SLC24A2: variants seen among roughly 807,000 people sequenced by gnomAD.
The protein encoded by SLC24A2 is sodium/potassium/calcium exchanger 2.
SLC24A2 carries 36 observed loss-of-function variants against 62.0 expected under a neutral mutation model. That is an observed-to-expected ratio of 0.58 (90% CI 0.44 to 0.77). The LOEUF is 0.77. Ranked by LOEUF, SLC24A2 falls within the 30% of genes least tolerant of loss-of-function variation. The probability of loss-of-function intolerance (pLI) is 0.00; values close to 1 mark genes in which losing one functional copy is unlikely to be tolerated. For synonymous variants in SLC24A2, 358 were observed against 294.0 expected (o/e 1.22, Z -2.23); for missense variants, 846 against 817.9 (o/e 1.03, Z -0.42).
the SLC24A2 span, among the ~76,000 whole-genome samples, chr9:19,933,893 T>C: frequency 1.3e-4 from 20 of 152,290 alleles, 1 homozygote; most frequent in South Asian, 3.9e-3. Flanking sequence ...TATGATTCCA[T>C]TTATGTGAGA....
chr9:19,873,536 C>CTCTTTCTTTCTTTCTTTCTTTCTT, the SLC24A2 span, among the ~76,000 whole-genome samples: 167 of 137,122 alleles, frequency 1.2e-3, 1 homozygote, highest in African/African-American at 4.6e-3. Flanking sequence ...TCCTTTCTTT[C>CTCTTTCTTTCTTTCTTTCTTTCTT]TCTTTCTTTC....
chr9:20,164,135 A>T, the SLC24A2 span, among the ~76,000 whole-genome samples: 6 of 152,198 alleles, frequency 3.9e-5, no homozygotes, highest in African/African-American at 1.4e-4. Context: ...GACAAATGGG[A>T]TCTCATTAAA....
the SLC24A2 span, among the ~76,000 whole-genome samples, chr9:20,018,242 C>T: frequency 3.3e-5 from 5 of 152,328 alleles, no homozygotes; most frequent in East Asian, 9.6e-4. Context: ...CCACTGCGCC[C>T]GGCCTACTTT....
chr9:19,916,981 G>GTTTTTTTTTTTTTTTTTTTTTT, the SLC24A2 span, among the ~76,000 whole-genome samples: 5 of 72,014 alleles, frequency 6.9e-5, no homozygotes, highest in Non-Finnish European at 1.0e-4. Context: ...TAACTTACCT[G>GTTTTTTTTTTTTTTTTTTTTTT]TTTTTTTTTT....
intron 4 of SLC24A2, among the ~76,000 whole-genome samples, chr9:19,607,541 G>A (rs964169718): frequency 6.6e-6 from 1 of 151,904 alleles, no homozygotes; most frequent in Non-Finnish European, 1.5e-5. Flanking sequence ...CCAACATGGC[G>A]AAACCCGTCT....
chr9:19,619,643 C>G lies in SLC24A2; in HGVS notation c.1019G>C (p.Ser340Thr). 1 of 1,614,006 alleles carries G rather than the reference C, an allele frequency of 6.2e-7. No individual in the cohort carries two copies. The highest frequency in any genetic ancestry group is 1.3e-5 in the African/African-American group (1 of 74,998). Reference protein sequence around the residue: ...RGGSSASLHNSLMRNSIFQLM... With the variant: ...RGGSSASLHNTLMRNSIFQLM... ...TTGGAAGATGCTATTCCTCATGAGA[C>G]TGTTGTGGAGGGAGGCAGAGCTTCC... is the stretch of plus-strand genomic sequence containing the variant. Residue 340 changes from serine to threonine, a missense_variant, in exon 4 of 11, where the codon AGT (serine) becomes ACT (threonine). Ser to Thr is a moderately conservative substitution (Grantham distance 58). Coordinates refer to ENST00000341998, the MANE Select transcript of SLC24A2 (RefSeq NM_020344.4).
chr9:20,070,399 T>C, the SLC24A2 span, among the ~76,000 whole-genome samples: 1 of 152,224 alleles, frequency 6.6e-6, no homozygotes, highest in Admixed American at 6.5e-5. Context: ...TTATTACTCT[T>C]ATCATTGTAA....
upstream of SLC24A2, among the ~76,000 whole-genome samples, chr9:19,792,084 G>C (rs1182812314): frequency 1.3e-5 from 2 of 151,996 alleles, no homozygotes; most frequent in Non-Finnish European, 2.9e-5. Flanking sequence ...CTGCCAAAGG[G>C]GTGCTAGTTA....
the SLC24A2 span, among the ~76,000 whole-genome samples, chr9:20,097,720 A>C: frequency 1.7e-4 from 12 of 69,050 alleles, no homozygotes; most frequent in African/African-American, 5.3e-4. Context: ...ATCTTAAATA[A>C]TTTTTTTTTT....
the SLC24A2 span, among the ~76,000 whole-genome samples, chr9:20,092,219 A>G: frequency 1.3e-5 from 2 of 152,244 alleles, no homozygotes; most frequent in Admixed American, 6.5e-5. Context: ...AAACCTGCAC[A>G]TATACCTCTG....
At chr9:20,024,799 G>T in the SLC24A2 span, among the ~76,000 whole-genome samples, 1 of 152,278 alleles carries the variant, frequency 6.6e-6, no homozygotes, top group Non-Finnish European at 1.5e-5. Context: ...AAGAGGACTA[G>T]TCCCAAAGCA....
chr9:19,936,502 G>A, the SLC24A2 span, among the ~76,000 whole-genome samples: 68,145 of 151,922 alleles, frequency 0.45, 15,823 homozygotes, highest in Non-Finnish European at 0.51. Context: ...TCAAACTCGC[G>A]TGCTCAAGCG....
intron 7 of SLC24A2, among the ~76,000 whole-genome samples, chr9:19,557,620 T>C (rs1370913770): frequency 6.6e-6 from 1 of 152,246 alleles, no homozygotes; most frequent in Non-Finnish European, 1.5e-5. Context: ...GGCATGCAGC[T>C]GCCACAGCTC....
chr9:19,556,805 C>A (rs899866854), intron 7 of SLC24A2, among the ~76,000 whole-genome samples: 1 of 152,152 alleles, frequency 6.6e-6, no homozygotes, highest in Admixed American at 6.5e-5. Flanking sequence ...TTCTAGGCCC[C>A]ACCAGACGTT....
At chr9:19,598,190 G>A (rs2089192644) in intron 4 of SLC24A2, among the ~76,000 whole-genome samples, 1 of 152,142 alleles carries the variant, frequency 6.6e-6, no homozygotes, top group Non-Finnish European at 1.5e-5. Flanking sequence ...AATTTTGTGA[G>A]CAGGTTAAAA....
intron 8 of SLC24A2, among the ~76,000 whole-genome samples, chr9:19,536,032 A>C (rs1377813195): frequency 1.3e-5 from 2 of 151,896 alleles, no homozygotes; most frequent in Admixed American, 1.3e-4. Flanking sequence ...AGTGGTTTGC[A>C]GTTCTCCTTG....
chr9:19,882,543 C>T, the SLC24A2 span, among the ~76,000 whole-genome samples: 1 of 151,764 alleles, frequency 6.6e-6, no homozygotes, highest in Non-Finnish European at 1.5e-5. Context: ...AAGCAGTAGG[C>T]ACAAGAAATG....
At chr9:19,594,047 T>C (rs943653452) in intron 5 of SLC24A2, among the ~76,000 whole-genome samples, 1 of 152,070 alleles carries the variant, frequency 6.6e-6, no homozygotes, top group Non-Finnish European at 1.5e-5. Flanking sequence ...TTCACCCTTC[T>C]TTCCTGATTT....
rs963343296 is a variant in SLC24A2, at chr9:19,515,838, A to G, written c.*315T>C. ...TTATAATATGTGTATTTATAGATAT[A>G]TATAGCCTGTGTCCTTGTTTGCATC... On this transcript the variant is annotated 3_prime_UTR_variant, in exon 11 of 11. Transcript: ENST00000341998. The G allele has an allele frequency of 1.6e-5, 6 of 386,126 alleles. No individual in the cohort carries two copies. Among genetic ancestry groups the G allele is most frequent in the Non-Finnish European group, 3.0e-5 (6 of 201,878 alleles). The allele number at this position is 386,126 out of a possible 1,614,324, so 23.9% of individuals were successfully genotyped here.
Sources: gnomAD v4.1 joint callset for allele counts (sites outside exome capture counted in the v4.1 genomes callset) on GRCh38, gnomAD v4.1.1 for gene constraint, MANE v1.5 for transcripts, NCBI Gene and HGNC (gene_info 2026-07-23, HGNC 2026-07-21) for gene names.